ZHX2: variants seen among roughly 807,000 people sequenced by gnomAD.
The protein encoded by ZHX2 is zinc fingers and homeoboxes protein 2.
In ZHX2, 6 loss-of-function variants were observed where a neutral mutation model predicts 21.9. That is an observed-to-expected ratio of 0.27 (90% CI 0.15 to 0.54). ZHX2 has a LOEUF of 0.54. ZHX2 is among the 20% of genes least tolerant of loss of function. The probability of loss-of-function intolerance (pLI) is 0.95; values close to 1 mark genes in which losing one functional copy is unlikely to be tolerated. For synonymous variants in ZHX2, 434 were observed against 437.1 expected (o/e 0.99, Z 0.09); for missense variants, 908 against 1,090.7 (o/e 0.83, Z 2.36).
chr8:122,952,647 T>A lies in ZHX2; in HGVS notation c.1137T>A (p.Thr379=), dbSNP rs1239941899. 2 of 1,614,076 alleles carry A rather than the reference T, an allele frequency of 1.2e-6. No homozygotes were observed. The highest frequency in any genetic ancestry group is 2.2e-5 in the South Asian group (2 of 91,074). ...QILGQTSLVL[T]QVTSGSTTVS... The stretch of plus-strand genomic sequence containing the variant: ...TCGGCCAGACTAGCCTGGTGCTGAC[T>A]CAGGTGACCAGCGGGTCAACAACCG... Residue 379 remains threonine (T), a synonymous_variant, in exon 3 of 4, where the codon ACT becomes ACA. Transcript: ENST00000314393. This position sits in a 1 kb window ranked among gnomAD's most constrained non-coding sequence, Gnocchi z 6.9.
At chr8:122,852,200 C>T (rs1236593715) in intron 1 of ZHX2, among the ~76,000 whole-genome samples, 1 of 152,128 alleles carries the variant, frequency 6.6e-6, no homozygotes, top group Non-Finnish European at 1.5e-5. Context: ...ACTTCTCTGC[C>T]TTTAATAAAC....
At chr8:122,939,583 C>G (rs1812791890) in intron 2 of ZHX2, among the ~76,000 whole-genome samples, 2 of 152,238 alleles carry the variant, frequency 1.3e-5, no homozygotes, top group Admixed American at 1.3e-4. Context: ...ACAGGGAGAC[C>G]AACTACCTCC....
At chr8:122,875,559 T>C (rs1402285619) in intron 2 of ZHX2, among the ~76,000 whole-genome samples, 1 of 151,910 alleles carries the variant, frequency 6.6e-6, no homozygotes, top group Non-Finnish European at 1.5e-5. Flanking sequence ...TTCATAAGAT[T>C]TGTAGCAACA....
chr8:122,969,544 T>C (rs549517502), intron 3 of ZHX2, among the ~76,000 whole-genome samples: 130 of 152,096 alleles, frequency 8.5e-4, no homozygotes, highest in Non-Finnish European at 1.6e-3. Flanking sequence ...GAGTTATACG[T>C]CAATAAAGCT....
At chr8:122,865,430 C>T (rs544469752) in intron 2 of ZHX2, among the ~76,000 whole-genome samples, 35 of 152,304 alleles carry the variant, frequency 2.3e-4, no homozygotes, top group African/African-American at 8.4e-4. Flanking sequence ...GCCCGGCCGA[C>T]TTGGCAAGTC....
intron 1 of ZHX2, among the ~76,000 whole-genome samples, chr8:122,790,668 C>G (rs780208207): frequency 3.3e-5 from 5 of 152,142 alleles, no homozygotes; most frequent in African/African-American, 1.2e-4. Context: ...AGTGCAATGG[C>G]GTGATCTCAG....
At position 122,953,217 on chromosome 8, in the gene ZHX2, C is replaced by T. The variant is rs1813181556; in HGVS notation, c.1707C>T (p.Ser569=). 1 of 1,613,702 alleles carries T rather than the reference C, an allele frequency of 6.2e-7. No homozygotes were observed. Among genetic ancestry groups the T allele is most frequent in the African/African-American group, 1.3e-5 (1 of 74,832 alleles). ...GGCTAAGGGTGGAGACCAAGCTGAG[C>T]AGGAGAGAGATCGACTCCTGGTTCT... ...LDRLRVETKL[S]RREIDSWFSE... is the part of the protein sequence containing the mutation. Residue 569 remains serine (S), a synonymous_variant, in exon 3 of 4, where the codon AGC becomes AGT. Coordinates refer to ENST00000314393, the MANE Select transcript of ZHX2 (RefSeq NM_014943.5). The surrounding 1 kb of genome is among the most constrained non-coding windows in gnomAD (Gnocchi z 4.6).
chr8:122,805,037 ACT>A (rs1817796073), intron 1 of ZHX2, among the ~76,000 whole-genome samples: 1 of 151,194 alleles, frequency 6.6e-6, no homozygotes, highest in African/African-American at 2.4e-5. Context: ...CTTCATCTAA[ACT>A]CTTTCATTCT....
At chr8:122,830,275 T>C (rs1464256373) in intron 1 of ZHX2, among the ~76,000 whole-genome samples, 1 of 152,206 alleles carries the variant, frequency 6.6e-6, no homozygotes, top group African/African-American at 2.4e-5. Flanking sequence ...ATGGCCTGTT[T>C]CTTGATCTTC....
chr8:122,963,380 T>C (rs1813504437), intron 3 of ZHX2, among the ~76,000 whole-genome samples: 1 of 152,190 alleles, frequency 6.6e-6, no homozygotes, highest in Admixed American at 6.5e-5. Context: ...GAATAGGGTG[T>C]CCTTTCCCCA....
chr8:122,872,391 AC>A (rs1401810655), intron 2 of ZHX2, among the ~76,000 whole-genome samples: 1 of 152,154 alleles, frequency 6.6e-6, no homozygotes, highest in African/African-American at 2.4e-5. Flanking sequence ...TGGTCCATCT[AC>A]AGATTCAGGG....
chr8:122,858,267 A>G (rs979541466), intron 1 of ZHX2, among the ~76,000 whole-genome samples: 1 of 152,100 alleles, frequency 6.6e-6, no homozygotes, highest in African/African-American at 2.4e-5. Context: ...TGGCCTTTTT[A>G]CTAGACCTGG....
chr8:122,798,625 A>C (rs986212748), intron 1 of ZHX2, among the ~76,000 whole-genome samples: 3 of 152,080 alleles, frequency 2.0e-5, no homozygotes, highest in Non-Finnish European at 4.4e-5. Flanking sequence ...TCTACTAAAA[A>C]TACAAAAATT....
At position 122,843,959 on chromosome 8, in the gene ZHX2, T is replaced by TCACACACA. The variant is rs3221811; in HGVS notation, c.-282-19493_-282-19486dup. ...ACACTTCGCTTTTTGTTCTCACCCT[T>TCACACACA]CACACACACACACACACACACACAC... On this transcript the variant is annotated intron_variant, in intron 1 of 3. Transcript: ENST00000314393. Among the ~76,000 whole-genome samples, 774 of 148,936 alleles carry TCACACACA rather than the reference T, an allele frequency of 5.2e-3. 7 individuals are homozygous for TCACACACA. Among genetic ancestry groups the TCACACACA allele is most frequent in the African/African-American group, 0.017 (701 of 40,488 alleles).
intron 1 of ZHX2, among the ~76,000 whole-genome samples, chr8:122,856,657 G>A (rs941456936): frequency 6.6e-6 from 1 of 152,082 alleles, no homozygotes; most frequent in Non-Finnish European, 1.5e-5. Flanking sequence ...AGTTCCCTGA[G>A]GCCTGGCAGG....
At chr8:122,830,241 A>G (rs1818345765) in intron 1 of ZHX2, among the ~76,000 whole-genome samples, 2 of 152,196 alleles carry the variant, frequency 1.3e-5, no homozygotes, top group South Asian at 4.1e-4. Flanking sequence ...TCCTAGTCTG[A>G]TGTAACTGCT....
At position 122,952,381 on chromosome 8, in the gene ZHX2, G is replaced by A; in HGVS notation, c.871G>A (p.Glu291Lys). ...CAAGTTTCCTTACCCGACCCAGGCT[G>A]AGTTGTCCTGGCTGACAGCTGCCTC... ...FNKFPYPTQA[E>K]LSWLTAASKH... The change falls in exon 3 of 4, where the codon GAG becomes AAG. Residue 291 changes from glutamate to lysine, a missense_variant. By Grantham distance (56) the Glu-to-Lys change is moderately conservative. Transcript: ENST00000314393. The surrounding 1 kb of genome is among the most constrained non-coding windows in gnomAD (Gnocchi z 6.9). 1 of 1,614,206 alleles carries A rather than the reference G, an allele frequency of 6.2e-7. No individual in the cohort carries two copies. The highest frequency in any genetic ancestry group is 8.5e-7 in the Non-Finnish European group (1 of 1,180,056).
At chr8:122,808,172 C>T (rs542172407) in intron 1 of ZHX2, among the ~76,000 whole-genome samples, 2 of 152,280 alleles carry the variant, frequency 1.3e-5, no homozygotes, top group South Asian at 2.1e-4. Context: ...GTCTTGACTC[C>T]ACTTAGATGT....
At position 122,781,910 on chromosome 8, in the gene ZHX2, C is replaced by T. The variant is rs1163959688; in HGVS notation, c.-319C>T. On this transcript the variant is annotated 5_prime_UTR_variant, in exon 1 of 4. Transcript: ENST00000314393. This position sits in a 1 kb window ranked among gnomAD's most constrained non-coding sequence, Gnocchi z 4.6. ...AACGCCCGTGCCGCGTCTCCGCGTT[C>T]CCAGCCCGGGTCCCCGCGTTCACAG... The T allele has an allele frequency of 6.6e-6, 1 of 152,192 alleles. No homozygotes were observed. Among genetic ancestry groups the T allele is most frequent in the East Asian group, 1.9e-4 (1 of 5,144 alleles). The allele number at this position is 152,192 out of a possible 1,614,324, so 9.4% of individuals were successfully genotyped here. A position where few individuals can be genotyped will look rare whatever the true frequency, so the allele number is the denominator to read the frequency against.
Sources: allele counts gnomAD v4.1 joint callset (sites outside exome capture counted in the v4.1 genomes callset), GRCh38; gene constraint gnomAD v4.1.1; non-coding constraint Gnocchi (gnomAD v3.1); transcripts MANE v1.5; gene names NCBI Gene and HGNC (gene_info 2026-07-23, HGNC 2026-07-21).